Variants in PRMT3 observed in about 807,000 individuals in gnomAD.
PRMT3 encodes the protein protein arginine methyltransferase 3, also known as protein arginine N-methyltransferase 3.
PRMT3 carries 62 observed loss-of-function variants against 71.9 expected under a neutral mutation model. The observed-to-expected ratio is 0.86, with a 90% CI of 0.70 to 1.07. The LOEUF is 1.07. PRMT3 is among the 50% of genes least tolerant of loss of function. The pLI is 0.00. For missense variants in PRMT3, 663 were observed against 643.0 expected (o/e 1.03, Z -0.34); for synonymous variants, 213 against 220.4 (o/e 0.97, Z 0.30).
At chr11:20,463,689 A>G (rs1379332965) in intron 12 of PRMT3, among the ~76,000 whole-genome samples, 1 of 152,054 alleles carries the variant, frequency 6.6e-6, no homozygotes, top group Non-Finnish European at 1.5e-5. Context: ...ATAGTGTCTC[A>G]GATGTGTGGT....
chr11:20,448,911 A>T (rs938767328), intron 10 of PRMT3, among the ~76,000 whole-genome samples: 1 of 152,152 alleles, frequency 6.6e-6, no homozygotes, highest in Non-Finnish European at 1.5e-5. Context: ...CTCCTTCCAG[A>T]TGGCACCCCT....
chr11:20,423,215 C>G (rs1849465296), intron 9 of PRMT3, among the ~76,000 whole-genome samples: 1 of 152,130 alleles, frequency 6.6e-6, no homozygotes, highest in African/African-American at 2.4e-5. Flanking sequence ...GACCAGTTTT[C>G]TTCTTCTTGA....
chr11:20,473,154 A>G (rs1048315732), intron 13 of PRMT3, among the ~76,000 whole-genome samples: 5 of 151,936 alleles, frequency 3.3e-5, no homozygotes, highest in East Asian at 1.9e-4. Context: ...CTAGCAGTCT[A>G]TCGTATTAAT....
Position 20,508,561 on chromosome 11 carries a change from G to T in PRMT3, c.*148G>T, listed in dbSNP as rs1490796878. On this transcript the variant is annotated 3_prime_UTR_variant, in exon 16 of 16. Coordinates refer to ENST00000331079, the MANE Select transcript of PRMT3 (RefSeq NM_005788.4). Reference sequence around the variant, plus strand: ...CAATAAGAGAGAAGTTCTCATTGTGGGAATCTGACATAGTTCAGCTGAGGA... The same window carrying T: ...CAATAAGAGAGAAGTTCTCATTGTGTGAATCTGACATAGTTCAGCTGAGGA... 1.4e-6 allele frequency: 1 copy of T among 708,774 alleles called. No homozygotes were observed. Among genetic ancestry groups the T allele is most frequent in the South Asian group, 1.5e-5 (1 of 67,018 alleles). The allele number at this position is 708,774 out of a possible 1,614,324, so 43.9% of individuals were successfully genotyped here. A position where few individuals can be genotyped will look rare whatever the true frequency, so the allele number is the denominator to read the frequency against.
intron 13 of PRMT3, among the ~76,000 whole-genome samples, chr11:20,493,448 C>T (rs954559507): frequency 2.6e-5 from 4 of 152,178 alleles, no homozygotes; most frequent in African/African-American, 4.8e-5. Context: ...TGTTTGTTTC[C>T]GATTCTGCAA....
intron 13 of PRMT3, among the ~76,000 whole-genome samples, chr11:20,484,818 C>A (rs905376344): frequency 1.3e-5 from 2 of 151,948 alleles, no homozygotes. Flanking sequence ...ACCCTTTTGC[C>A]GAAAACAGCT....
In PRMT3 at chr11:20,402,960, A is replaced by G; in HGVS notation, c.747A>G (p.Gln249=). 1 of 1,606,328 alleles carries G rather than the reference A, an allele frequency of 6.2e-7. No individual in the cohort carries two copies. The highest frequency in any genetic ancestry group is 8.5e-7 in the Non-Finnish European group (1 of 1,173,046). ...AAAGCTACCGAGATTTCATATACCA[A>G]AATCCACATATCTTCAAAGACAAGG... ...RTESYRDFIY[Q]NPHIFKDKVV... Residue 249 remains glutamine, a synonymous_variant, in exon 8 of 16, where the codon CAA becomes CAG. Coordinates refer to ENST00000331079, the MANE Select transcript of PRMT3 (RefSeq NM_005788.4).
intron 7 of PRMT3, among the ~76,000 whole-genome samples, chr11:20,399,604 TA>T (rs1342167849): frequency 6.6e-6 from 1 of 152,196 alleles, no homozygotes; most frequent in Non-Finnish European, 1.5e-5. Flanking sequence ...CCCATCAGCT[TA>T]AATACCATAA....
At chr11:20,486,417 G>A (rs1851073597) in intron 13 of PRMT3, among the ~76,000 whole-genome samples, 1 of 152,104 alleles carries the variant, frequency 6.6e-6, no homozygotes, top group Non-Finnish European at 1.5e-5. Context: ...TGGAACTATG[G>A]TGCTGGAATT....
chr11:20,433,725 A>G (rs1316877435), intron 10 of PRMT3, among the ~76,000 whole-genome samples: 2 of 151,992 alleles, frequency 1.3e-5, no homozygotes, highest in East Asian at 1.9e-4. Flanking sequence ...GGTTCAAGCA[A>G]TTCTCCAACC....
chr11:20,414,327 G>C (rs1361568729), intron 9 of PRMT3, among the ~76,000 whole-genome samples: 2 of 152,264 alleles, frequency 1.3e-5, no homozygotes, highest in Non-Finnish European at 2.9e-5. Context: ...GTTTTAAGAA[G>C]ATTAGGCTGG....
intron 7 of PRMT3, 64 bp from the exon 8 acceptor site, chr11:20,402,855 C>G: frequency 7.7e-7 from 1 of 1,297,600 alleles, no homozygotes; most frequent in Non-Finnish European, 1.1e-6. Context: ...GCAAATATCT[C>G]CCTTAAAAAA....
intron 9 of PRMT3, among the ~76,000 whole-genome samples, chr11:20,408,595 G>T (rs1849123928): frequency 6.6e-6 from 1 of 152,132 alleles, no homozygotes; most frequent in African/African-American, 2.4e-5. Context: ...TGGGTTGATT[G>T]ATTTTACAGT....
intron 13 of PRMT3, among the ~76,000 whole-genome samples, chr11:20,469,645 G>A (rs755833799): frequency 3.3e-5 from 5 of 152,138 alleles, no homozygotes; most frequent in Non-Finnish European, 5.9e-5. Context: ...CATTCCTAAT[G>A]CAGAAATCTG....
At chr11:20,477,107 T>TATTACAGTAAGGATG (rs1398410628) in intron 13 of PRMT3, among the ~76,000 whole-genome samples, 1 of 152,170 alleles carries the variant, frequency 6.6e-6, no homozygotes, top group Non-Finnish European at 1.5e-5. Context: ...GTTTATGGTT[T>TATTACAGTAAGGATG]ATTACAGTAA....
chr11:20,492,139 C>T (rs1207047033), intron 13 of PRMT3, among the ~76,000 whole-genome samples: 3 of 152,118 alleles, frequency 2.0e-5, no homozygotes, highest in East Asian at 3.9e-4. Flanking sequence ...AATATACTAT[C>T]GTAACTAACA....
At position 20,387,739 on chromosome 11, in the gene PRMT3, C is replaced by T. The variant is rs1266607827; in HGVS notation, c.-8C>T. On this transcript the variant is annotated 5_prime_UTR_variant, in exon 1 of 16. Coordinates refer to ENST00000331079, the MANE Select transcript of PRMT3 (RefSeq NM_005788.4). This position sits in a 1 kb window ranked among gnomAD's most constrained non-coding sequence, Gnocchi z 4.3. ...CCAGACACGCCGGGCTCTCGGGGCA[C>T]CACAGCCATGTGCTCGTTAGCGTCA... is the stretch of plus-strand genomic sequence containing the variant. 4 of 1,538,900 alleles carry T rather than the reference C, an allele frequency of 2.6e-6. No homozygotes were observed. Among genetic ancestry groups the T allele is most frequent in the Admixed American group, 2.0e-5 (1 of 50,718 alleles).
chr11:20,470,865 A>G (rs1850627192), intron 13 of PRMT3, among the ~76,000 whole-genome samples: 2 of 152,196 alleles, frequency 1.3e-5, no homozygotes. Context: ...CCAACCATGT[A>G]AACAGCGTTC....
intron 11 of PRMT3, among the ~76,000 whole-genome samples, chr11:20,454,092 G>A (rs902606900): frequency 6.6e-6 from 1 of 152,042 alleles, no homozygotes; most frequent in Non-Finnish European, 1.5e-5. Context: ...ATCCTCACAA[G>A]AGCCCTTTGA....
Sources: gnomAD v4.1 joint callset for allele counts (sites outside exome capture counted in the v4.1 genomes callset) on GRCh38, gnomAD v4.1.1 for gene constraint, Gnocchi (gnomAD v3.1) non-coding constraint, MANE v1.5 for transcripts, NCBI Gene and HGNC (gene_info 2026-07-23, HGNC 2026-07-21) for gene names.